HECTD2: variants seen among roughly 807,000 people sequenced by gnomAD.
The protein encoded by HECTD2 is HECT domain E3 ubiquitin protein ligase 2.
HECTD2 carries 35 observed loss-of-function variants against 103.2 expected under a neutral mutation model. The observed-to-expected ratio is 0.34, with a 90% CI of 0.26 to 0.45. HECTD2 has a LOEUF of 0.45. Among genes scored for constraint, HECTD2 ranks in the 20% least tolerant of loss-of-function variants. HECTD2 has a pLI of 1.00. For missense variants in HECTD2, 596 were observed against 937.4 expected, an observed-to-expected ratio of 0.64 and a Z score of 4.76; for synonymous variants, 281 against 329.9, an observed-to-expected ratio of 0.85 and a Z score of 1.61.
intron 2 of HECTD2, among the ~76,000 whole-genome samples, chr10:91,427,766 A>AG (rs1843633384): frequency 6.6e-6 from 1 of 152,096 alleles, no homozygotes; most frequent in African/African-American, 2.4e-5. Flanking sequence ...TCAGATGAGT[A>AG]GGTTGCGAAA....
intron 2 of HECTD2, 117 bp from the exon 3 acceptor site, chr10:91,460,310 G>A (rs980765481): frequency 1.1e-6 from 1 of 939,598 alleles, no homozygotes; most frequent in African/African-American, 1.7e-5. Flanking sequence ...TAATCTCAAA[G>A]TGAATGTAAT....
At chr10:91,413,276 G>A (rs1445378411) in intron 1 of HECTD2, among the ~76,000 whole-genome samples, 1 of 152,168 alleles carries the variant, frequency 6.6e-6, no homozygotes, top group Admixed American at 6.5e-5. Flanking sequence ...GAGAAAGAAT[G>A]CTGGAAAGGG....
At chr10:91,473,149 A>T (rs1845787673) in intron 5 of HECTD2, among the ~76,000 whole-genome samples, 1 of 152,172 alleles carries the variant, frequency 6.6e-6, no homozygotes. Flanking sequence ...ACTAAGCAAG[A>T]TAAAAGACAT....
intron 8 of HECTD2, 165 bp from the exon 9 acceptor site, chr10:91,484,342 C>A: frequency 2.2e-6 from 3 of 1,386,296 alleles, no homozygotes; most frequent in South Asian, 1.3e-5. Flanking sequence ...AGACAGTATT[C>A]AAGGTAAGAT....
intron 2 of HECTD2, among the ~76,000 whole-genome samples, chr10:91,454,209 A>G (rs1410597132): frequency 6.6e-6 from 1 of 152,156 alleles, no homozygotes; most frequent in African/African-American, 2.4e-5. Context: ...GCTCTACTCA[A>G]CAACAGAATA....
intron 1 of HECTD2, among the ~76,000 whole-genome samples, chr10:91,415,161 A>T (rs976121483): frequency 6.6e-5 from 10 of 151,424 alleles, no homozygotes; most frequent in African/African-American, 2.2e-4. Flanking sequence ...TCAGGTTTCC[A>T]GATGAGGTCA....
At chr10:91,436,010 C>T (rs946479711) in intron 2 of HECTD2, among the ~76,000 whole-genome samples, 1 of 151,842 alleles carries the variant, frequency 6.6e-6, no homozygotes, top group Non-Finnish European at 1.5e-5. Flanking sequence ...ATTATTTCCC[C>T]TCTGAATCTT....
chr10:91,509,599 A>G (rs930630181), intron 20 of HECTD2, among the ~76,000 whole-genome samples: 1 of 152,232 alleles, frequency 6.6e-6, no homozygotes, highest in African/African-American at 2.4e-5. Flanking sequence ...CTATGCAGCC[A>G]TTAAAAAAAA....
intron 17 of HECTD2, 21 bp downstream of exon 17, chr10:91,498,980 A>G (rs1253678487): frequency 6.4e-7 from 1 of 1,554,580 alleles, no homozygotes; most frequent in Admixed American, 1.7e-5. Flanking sequence ...ACCCTTTTTA[A>G]TTAAAATGAA....
chr10:91,462,807 A>G (rs74650963), intron 5 of HECTD2: 22,617 of 975,680 alleles, frequency 0.023, 1,313 homozygotes, highest in African/African-American at 0.2. Flanking sequence ...CCATACTGCT[A>G]TAGATCAATT....
chr10:91,513,687 T>C lies in HECTD2; in HGVS notation c.*1303T>C, dbSNP rs927997907. 1 of 152,632 alleles carries C rather than the reference T, an allele frequency of 6.6e-6. No homozygotes were observed. The highest frequency in any genetic ancestry group is 1.5e-5 in the Non-Finnish European group (1 of 68,036). 9.5% of individuals were successfully genotyped at this position (152,632 alleles called of 1,614,324 possible). ...TTTCCTTCAGAAAACTCTGAAGTTATATTTGCAATAATAATGAAACCAGCA... is the reference window on the plus strand; with the variant it reads ...TTTCCTTCAGAAAACTCTGAAGTTACATTTGCAATAATAATGAAACCAGCA... On this transcript the variant is annotated 3_prime_UTR_variant, in exon 21 of 21. Transcript: ENST00000298068.
At chr10:91,426,459 C>CT (rs1184824677) in intron 2 of HECTD2, among the ~76,000 whole-genome samples, 1 of 152,040 alleles carries the variant, frequency 6.6e-6, no homozygotes, top group Non-Finnish European at 1.5e-5. Context: ...GTTTGACACT[C>CT]TAAGCCAGTG....
intron 2 of HECTD2, among the ~76,000 whole-genome samples, chr10:91,431,887 G>A (rs1276554372): frequency 6.6e-6 from 1 of 152,058 alleles, no homozygotes; most frequent in Non-Finnish European, 1.5e-5. Flanking sequence ...ACTCTTCAAA[G>A]TCATTCTCCG....
rs1460505389 is a variant in HECTD2, at chr10:91,449,807, ATACAACT to A, written c.269-10614_269-10608del. Among the ~76,000 whole-genome samples, 28 of 151,654 alleles carry A rather than the reference ATACAACT, an allele frequency of 1.8e-4. No homozygotes were observed. The East Asian group carries it at 5.2e-3, about 28-fold the overall frequency. On this transcript the variant is annotated intron_variant, in intron 2 of 20. Coordinates refer to ENST00000298068, the MANE Select transcript of HECTD2 (RefSeq NM_182765.6). The stretch of plus-strand genomic sequence containing the variant: ...TGCAAAGATAATAAAATACCTAGCA[ATACAACT>A]TACAAAGTATGTGAAGGACCTCTTC...
At chr10:91,474,795 G>A (rs1049749159) in intron 5 of HECTD2, among the ~76,000 whole-genome samples, 4 of 152,182 alleles carry the variant, frequency 2.6e-5, no homozygotes, top group East Asian at 3.8e-4. Flanking sequence ...TAAGTGCTTC[G>A]AGAAGATAGG....
chr10:91,505,498 A>G (rs1847119194), intron 20 of HECTD2, among the ~76,000 whole-genome samples: 1 of 151,904 alleles, frequency 6.6e-6, no homozygotes, highest in Non-Finnish European at 1.5e-5. Context: ...ACAGACTTTA[A>G]ACCAACAAAG....
chr10:91,485,565 C>CT, intron 10 of HECTD2: 1 of 304,160 alleles, frequency 3.3e-6, no homozygotes, highest in Non-Finnish European at 6.0e-6. Flanking sequence ...TATGCAGTCT[C>CT]TTATCTCTTA....
At chr10:91,511,945 G>C (rs1040950451) in intron 20 of HECTD2, among the ~76,000 whole-genome samples, 5 of 152,158 alleles carry the variant, frequency 3.3e-5, no homozygotes, top group Non-Finnish European at 7.3e-5. Flanking sequence ...ACTCGAACAA[G>C]ACCCCACAGC....
intron 5 of HECTD2, among the ~76,000 whole-genome samples, chr10:91,465,908 A>C (rs1471825452): frequency 6.6e-6 from 1 of 152,094 alleles, no homozygotes; most frequent in South Asian, 2.1e-4. Flanking sequence ...TTCTTGTAAT[A>C]TCTTTCTCTT....
Sources: allele counts gnomAD v4.1 joint callset (sites outside exome capture counted in the v4.1 genomes callset), GRCh38; gene constraint gnomAD v4.1.1; transcripts MANE v1.5; gene names NCBI Gene and HGNC (gene_info 2026-07-23, HGNC 2026-07-21).